PIEZO2: variants seen among roughly 807,000 people sequenced by gnomAD.
The protein encoded by PIEZO2 is piezo type mechanosensitive ion channel component 2.
PIEZO2 carries 172 observed loss-of-function variants against 337.3 expected under a neutral mutation model. The observed-to-expected ratio is 0.51, with a 90% CI of 0.45 to 0.58. The LOEUF is 0.58. Among genes scored for constraint, PIEZO2 ranks in the 20% least tolerant of loss-of-function variants. PIEZO2 has a pLI of 0.00. For missense variants in PIEZO2, 3,028 were observed against 3,391.3 expected (o/e 0.89, Z 2.66); for synonymous variants, 1,251 against 1,228.5 (o/e 1.02, Z -0.38).
At chr18:10,941,309 A>G (rs1049104346) in intron 3 of PIEZO2, among the ~76,000 whole-genome samples, 3 of 152,188 alleles carry the variant, frequency 2.0e-5, no homozygotes, top group African/African-American at 7.2e-5. Context: ...CCCTTGTAAT[A>G]TTAGATAATA....
intron 4 of PIEZO2, among the ~76,000 whole-genome samples, chr18:10,891,446 C>A (rs1332885183): frequency 1.3e-5 from 2 of 152,148 alleles, no homozygotes; most frequent in African/African-American, 2.4e-5. Context: ...CTTTCCAAAT[C>A]TCTTGGAGCC....
chr18:10,771,132 C>T (rs2143979149), intron 20 of PIEZO2, among the ~76,000 whole-genome samples: 1 of 152,356 alleles, frequency 6.6e-6, no homozygotes, highest in Non-Finnish European at 1.5e-5. Flanking sequence ...TTTCTTGCCA[C>T]AACGGCACTT....
intron 1 of PIEZO2, among the ~76,000 whole-genome samples, chr18:11,071,160 C>G (rs940459573): frequency 2.0e-5 from 3 of 152,226 alleles, no homozygotes; most frequent in African/African-American, 7.2e-5. Flanking sequence ...TTGTTGCTTT[C>G]TACACCACTC....
chr18:10,900,824 T>C (rs1216364609), intron 4 of PIEZO2, among the ~76,000 whole-genome samples: 1 of 152,176 alleles, frequency 6.6e-6, no homozygotes, highest in Non-Finnish European at 1.5e-5. Context: ...GTATCTCTCT[T>C]ACCTAACCAC....
chr18:10,849,439 G>A (rs1211926515), intron 7 of PIEZO2, among the ~76,000 whole-genome samples: 1 of 152,162 alleles, frequency 6.6e-6, no homozygotes, highest in Non-Finnish European at 1.5e-5. Context: ...AGTTTATCAC[G>A]TACAGGTGTG....
At position 10,888,547 on chromosome 18, in the gene PIEZO2, T is replaced by G. The variant is rs1242080689; in HGVS notation, c.330-17132A>C. Among the ~76,000 whole-genome samples, 1 of 151,818 alleles carries G rather than the reference T, an allele frequency of 6.6e-6. No individual in the cohort carries two copies. The highest frequency in any genetic ancestry group is 2.4e-5 in the African/African-American group (1 of 41,312). ...TTCTGGGTCCTCTTATTTGACAGAG[T>G]CCTTTGCATATATTTCCACACACAC... On this transcript the variant is annotated intron_variant, in intron 4 of 55. Transcript: ENST00000674853. The surrounding 1 kb of genome is among the most constrained non-coding windows in gnomAD (Gnocchi z 4.1).
At chr18:11,051,276 T>C (rs191800886) in intron 2 of PIEZO2, among the ~76,000 whole-genome samples, 1 of 152,104 alleles carries the variant, frequency 6.6e-6, no homozygotes, top group East Asian at 1.9e-4. Flanking sequence ...GAGGATGAGT[T>C]CTTGGATAAG....
chr18:10,814,674 A>T lies in PIEZO2; in HGVS notation c.918-7400T>A, dbSNP rs555211548. ...AGGATGTTCAGCCATTCCTCTTCTC[A>T]TACCGTTTTCCCTGGAAAGGGTTTG... On this transcript the variant is annotated intron_variant, in intron 7 of 55. Coordinates refer to ENST00000674853, the MANE Select transcript of PIEZO2 (RefSeq NM_001378183.1). Among the ~76,000 whole-genome samples, 39 of 152,302 alleles carry T rather than the reference A, an allele frequency of 2.6e-4. 1 individual carries two copies. In the South Asian group the frequency reaches 7.9e-3, roughly 31 times the overall value.
At chr18:10,814,692 AG>A (rs2040308907) in intron 7 of PIEZO2, among the ~76,000 whole-genome samples, 1 of 152,156 alleles carries the variant, frequency 6.6e-6, no homozygotes, top group Non-Finnish European at 1.5e-5. Flanking sequence ...TTCCCTGGAA[AG>A]GGTTTGGTGA....
At chr18:11,043,720 A>G (rs1260279330) in intron 2 of PIEZO2, among the ~76,000 whole-genome samples, 3 of 151,960 alleles carry the variant, frequency 2.0e-5, no homozygotes, top group African/African-American at 7.3e-5. Context: ...CTTGAGACCG[A>G]GTCTTGCTCT....
Position 10,705,395 on chromosome 18 carries a change from C to T in PIEZO2, c.5940G>A (p.Gly1980=), listed in dbSNP as rs370858105. ...SPDDSRTDKL[G]SSILPPLTHE... is the part of the protein sequence containing the mutation. The stretch of plus-strand genomic sequence containing the variant: ...GGGTCAGGGGAGGTAAGATGCTGGA[C>T]CCCAGCTTGTCGGTGCGGCTGTCGT... Residue 1980 remains glycine, a synonymous_variant, in exon 41 of 56, where the codon GGG becomes GGA. Coordinates refer to ENST00000674853, the MANE Select transcript of PIEZO2 (RefSeq NM_001378183.1). The T allele has an allele frequency of 1.3e-6, 2 of 1,537,228 alleles. No homozygotes were observed. The highest frequency in any genetic ancestry group is 1.7e-6 in the Non-Finnish European group (2 of 1,146,898).
chr18:10,840,172 C>T (rs930649511), intron 7 of PIEZO2, among the ~76,000 whole-genome samples: 1 of 152,018 alleles, frequency 6.6e-6, no homozygotes, highest in Non-Finnish European at 1.5e-5. Context: ...ACCATGGAAA[C>T]GTAGCTCAAA....
chr18:10,757,906 G>A (rs2037950366), intron 27 of PIEZO2, 63 bp downstream of exon 27: 9 of 1,399,596 alleles, frequency 6.4e-6, no homozygotes, highest in Admixed American at 2.2e-5. Flanking sequence ...AAAGTATAGA[G>A]GAGCAATGTA....
At chr18:10,757,490 G>T (rs2037923021) in intron 27 of PIEZO2, among the ~76,000 whole-genome samples, 1 of 32,910 alleles carries the variant, frequency 3.0e-5, no homozygotes, top group African/African-American at 2.7e-4. Context: ...AAAAATGGAG[G>T]ATGAGTAGGA....
Position 11,126,658 on chromosome 18 carries a change from C to G in PIEZO2, c.64+21867G>C, listed in dbSNP as rs529610192. 1.3e-5 allele frequency among the ~76,000 whole-genome samples: 2 copies of G among 151,532 alleles called. No individual in the cohort carries two copies. The highest frequency in any genetic ancestry group is 4.9e-5 in the African/African-American group (2 of 41,190). On this transcript the variant is annotated intron_variant, in intron 1 of 55. Coordinates refer to ENST00000674853, the MANE Select transcript of PIEZO2 (RefSeq NM_001378183.1). The surrounding 1 kb of genome is among the most constrained non-coding windows in gnomAD (Gnocchi z 4.6). ...TTTTTTTTTTTTGTATTCCCAGAAT[C>G]GAGCCATCCTGATAGGCCAGTAAAT...
intron 3 of PIEZO2, among the ~76,000 whole-genome samples, chr18:10,928,956 C>T (rs1232350585): frequency 2.0e-5 from 3 of 152,192 alleles, no homozygotes; most frequent in Non-Finnish European, 4.4e-5. Flanking sequence ...CAACACTTCA[C>T]CTTCATCCCT....
rs1337346703 is a variant in PIEZO2 at position 11,092,592 on chromosome 18, C to T, written c.65-26370G>A. Among the ~76,000 whole-genome samples the T allele has an allele frequency of 6.6e-6, 1 of 151,970 alleles. No homozygotes were observed. The highest frequency in any genetic ancestry group is 1.5e-5 in the Non-Finnish European group (1 of 67,992). On this transcript the variant is annotated intron_variant, in intron 1 of 55. Coordinates refer to ENST00000674853, the MANE Select transcript of PIEZO2 (RefSeq NM_001378183.1). This position sits in a 1 kb window ranked among gnomAD's most constrained non-coding sequence, Gnocchi z 4.5. ...AATGTTAAAATTCTTTTTTAAATTC[C>T]CTTGAAAAAACCTTAGACACAATTT...
intron 2 of PIEZO2, among the ~76,000 whole-genome samples, chr18:10,990,125 G>A (rs190466684): frequency 4.2e-4 from 64 of 151,970 alleles, no homozygotes; most frequent in African/African-American, 1.4e-3. Context: ...GATGCATTAA[G>A]GCAGAACATC....
intron 4 of PIEZO2, among the ~76,000 whole-genome samples, chr18:10,882,621 C>T (rs886846783): frequency 1.3e-5 from 2 of 152,060 alleles, no homozygotes; most frequent in African/African-American, 4.8e-5. Context: ...TCCTCCTTCT[C>T]CTTTCCTCCC....
Sources: allele counts gnomAD v4.1 joint callset (sites outside exome capture counted in the v4.1 genomes callset), GRCh38; gene constraint gnomAD v4.1.1; non-coding constraint Gnocchi (gnomAD v3.1); transcripts MANE v1.5; gene names NCBI Gene and HGNC (gene_info 2026-07-23, HGNC 2026-07-21).